PGCKA1: variants seen among roughly 807,000 people sequenced by gnomAD.
The protein encoded by PGCKA1 is PDCD10 and GCKIII kinases-associated protein 1.
chr4:37,505,977 T>C, the PGCKA1 span, among the ~76,000 whole-genome samples: 1 of 152,254 alleles, frequency 6.6e-6, no homozygotes, highest in East Asian at 1.9e-4. Context: ...GTTATTGGTC[T>C]GTTCAGGTTT....
At chr4:37,507,816 TCTTTCTGATTGAAATA>T in the PGCKA1 span, among the ~76,000 whole-genome samples, 3 of 152,198 alleles carry the variant, frequency 2.0e-5, no homozygotes, top group Non-Finnish European at 4.4e-5. Flanking sequence ...AGCATCCTTT[TCTTTCTGATTGAAATA>T]CTCCCTTTAG....
the PGCKA1 span, among the ~76,000 whole-genome samples, chr4:37,572,155 C>T: frequency 6.7e-6 from 1 of 148,624 alleles, no homozygotes; most frequent in Non-Finnish European, 1.5e-5. Flanking sequence ...CTCCGCCTCC[C>T]GGGTTCACGC....
At chr4:37,574,038 A>C in the PGCKA1 span, among the ~76,000 whole-genome samples, 3 of 138,536 alleles carry the variant, frequency 2.2e-5, no homozygotes, top group Admixed American at 7.9e-5. Context: ...AAACACAAAA[A>C]TTTGCTGGGT....
At chr4:37,581,347 G>A in the PGCKA1 span, among the ~76,000 whole-genome samples, 1 of 151,690 alleles carries the variant, frequency 6.6e-6, no homozygotes, top group African/African-American at 2.4e-5. The surrounding 1 kb of genome is among the most constrained non-coding windows in gnomAD (Gnocchi z 4.4). Flanking sequence ...GAATGTGCTG[G>A]GTCTCACCTG....
chr4:37,472,817 A>G, the PGCKA1 span, among the ~76,000 whole-genome samples: 1 of 152,042 alleles, frequency 6.6e-6, no homozygotes, highest in Non-Finnish European at 1.5e-5. Context: ...TCTATCATCT[A>G]TTATCAAGTT....
chr4:37,590,438 A>G, the PGCKA1 span: 1 of 1,611,676 alleles, frequency 6.2e-7, no homozygotes, highest in South Asian at 1.1e-5. Context: ...AGTACTGCAA[A>G]TACTGTTCCC....
At chr4:37,592,666 C>T in the PGCKA1 span, among the ~76,000 whole-genome samples, 1 of 152,216 alleles carries the variant, frequency 6.6e-6, no homozygotes. Context: ...TGAAATCTGA[C>T]TGAACTTCAT....
chr4:37,542,530 C>T, the PGCKA1 span, among the ~76,000 whole-genome samples: 3 of 152,232 alleles, frequency 2.0e-5, no homozygotes, highest in Admixed American at 6.5e-5. Flanking sequence ...CATTTAAGAA[C>T]GTGTAGATCA....
the PGCKA1 span, among the ~76,000 whole-genome samples, chr4:37,554,858 AAT>A: frequency 3.3e-4 from 51 of 152,280 alleles, no homozygotes; most frequent in Non-Finnish European, 3.7e-4. Context: ...TTTGGCTGGA[AAT>A]AGAAAGTAGC....
the PGCKA1 span, among the ~76,000 whole-genome samples, chr4:37,593,080 A>G: frequency 6.6e-6 from 1 of 152,336 alleles, no homozygotes; most frequent in Non-Finnish European, 1.5e-5. Flanking sequence ...GGTCACTCAG[A>G]GCCCTTAAAA....
chr4:37,543,665 G>A, the PGCKA1 span, among the ~76,000 whole-genome samples: 1 of 147,942 alleles, frequency 6.8e-6, no homozygotes, highest in Non-Finnish European at 1.5e-5. Context: ...CATCTCTACT[G>A]AAAAAAAAAA....
chr4:37,496,285 G>A, the PGCKA1 span, among the ~76,000 whole-genome samples: 2 of 152,148 alleles, frequency 1.3e-5, no homozygotes, highest in Non-Finnish European at 2.9e-5. Context: ...CATTTGAGTT[G>A]ATTTTTGTAT....
At chr4:37,566,266 C>CT in the PGCKA1 span, among the ~76,000 whole-genome samples, 127 of 149,098 alleles carry the variant, frequency 8.5e-4, 1 homozygote, top group South Asian at 0.017. Context: ...TTTTTTTGTT[C>CT]TTTTTTTTTT....
At chr4:37,583,861 G>T in the PGCKA1 span, among the ~76,000 whole-genome samples, 1 of 152,186 alleles carries the variant, frequency 6.6e-6, no homozygotes, top group Admixed American at 6.5e-5. Flanking sequence ...CTCCAAAGAG[G>T]AAGCAAATTT....
chr4:37,529,135 C>T, the PGCKA1 span, among the ~76,000 whole-genome samples: 1 of 152,152 alleles, frequency 6.6e-6, no homozygotes, highest in Admixed American at 6.5e-5. Flanking sequence ...GCAGCTAGAA[C>T]TCAAATCTCT....
the PGCKA1 span, among the ~76,000 whole-genome samples, chr4:37,501,116 C>G: frequency 3.3e-5 from 5 of 152,136 alleles, no homozygotes; most frequent in Non-Finnish European, 7.3e-5. Flanking sequence ...CATTTACATT[C>G]AAGATTAGTA....
At chr4:37,571,382 G>A in the PGCKA1 span, among the ~76,000 whole-genome samples, 3 of 23,844 alleles carry the variant, frequency 1.3e-4, no homozygotes, top group Admixed American at 3.7e-4. Context: ...TTTTTTTTTT[G>A]AGACAGACCT....
the PGCKA1 span, among the ~76,000 whole-genome samples, chr4:37,574,788 A>C: frequency 6.7e-6 from 1 of 148,238 alleles, no homozygotes; most frequent in Non-Finnish European, 1.5e-5. Flanking sequence ...TCTGGTAACC[A>C]TCTATCTACT....
the PGCKA1 span, among the ~76,000 whole-genome samples, chr4:37,479,812 A>C: frequency 6.6e-6 from 1 of 152,220 alleles, no homozygotes; most frequent in Non-Finnish European, 1.5e-5. Flanking sequence ...TTTAAAAACA[A>C]GAAGCTGTTA....
Sources: allele counts gnomAD v4.1 joint callset (sites outside exome capture counted in the v4.1 genomes callset), GRCh38; gene constraint gnomAD v4.1.1; non-coding constraint Gnocchi (gnomAD v3.1); transcripts MANE v1.5; gene names NCBI Gene and HGNC (gene_info 2026-07-23, HGNC 2026-07-21).